Variants in GSN observed in about 807,000 individuals in gnomAD.
The protein encoded by GSN is gelsolin.
GSN carries 56 observed loss-of-function variants against 85.7 expected under a neutral mutation model. The observed-to-expected ratio is 0.65, with a 90% CI of 0.53 to 0.82. The LOEUF (loss-of-function observed/expected upper bound fraction) is 0.82, where lower values mean the gene tolerates loss of function less well. Among genes scored for constraint, GSN ranks in the 40% least tolerant of loss-of-function variants. GSN has a pLI of 0.00. For synonymous variants in GSN, 373 were observed against 399.1 expected (o/e 0.93, Z 0.78); for missense variants, 857 against 979.8 (o/e 0.87, Z 1.67).
intron 6 of GSN, among the ~76,000 whole-genome samples, chr9:121,252,482 C>T (rs1375387008): frequency 6.6e-6 from 1 of 152,228 alleles, no homozygotes; most frequent in African/African-American, 2.4e-5. Context: ...CACCAAGTAT[C>T]TATCTACCTA....
chr9:121,228,030 C>T (rs1463599849), intron 4 of GSN, among the ~76,000 whole-genome samples: 1 of 152,174 alleles, frequency 6.6e-6, no homozygotes, highest in African/African-American at 2.4e-5. Flanking sequence ...TGCTGCACCA[C>T]TGCAACCAGG....
At chr9:121,230,271 G>A (rs187820034) in intron 4 of GSN, among the ~76,000 whole-genome samples, 114 of 152,264 alleles carry the variant, frequency 7.5e-4, no homozygotes, top group African/African-American at 2.5e-3. Context: ...AAAACGGCTT[G>A]CTTTCTCACA....
chr9:121,220,739 A>T (rs553685141), intron 4 of GSN, among the ~76,000 whole-genome samples: 6 of 152,346 alleles, frequency 3.9e-5, no homozygotes, highest in Non-Finnish European at 8.8e-5. Context: ...CTAATATGCC[A>T]GTAAAAGTTC....
At chr9:121,214,756 T>G (rs2054029004) in intron 4 of GSN, among the ~76,000 whole-genome samples, 1 of 152,178 alleles carries the variant, frequency 6.6e-6, no homozygotes, top group Non-Finnish European at 1.5e-5. Context: ...ATTAGTTAAG[T>G]TCTTATCTTT....
At chr9:121,258,231 C>T (rs1404471533) in intron 6 of GSN, among the ~76,000 whole-genome samples, 3 of 152,162 alleles carry the variant, frequency 2.0e-5, no homozygotes, top group Middle Eastern at 3.2e-3. Context: ...CTGAGGCAGG[C>T]GGATTACTTG....
At chr9:121,328,699 C>G (rs888017329) in intron 14 of GSN, among the ~76,000 whole-genome samples, 192 bp from the exon 15 acceptor site, 1 of 152,236 alleles carries the variant, frequency 6.6e-6, no homozygotes, top group Non-Finnish European at 1.5e-5. Context: ...AGTCTGCCCT[C>G]TCTGGGCCTC....
In GSN at chr9:121,261,335, C is replaced by T. The variant is rs1022837264; in HGVS notation, c.-340-3819C>T. 9.2e-5 allele frequency among the ~76,000 whole-genome samples: 14 copies of T among 152,362 alleles called. No homozygotes were observed. The highest frequency in any genetic ancestry group is 3.1e-4 in the African/African-American group (13 of 41,586). The stretch of plus-strand genomic sequence containing the variant: ...CCACAGGAAACGTCTTGATTTTGCT[C>T]CAACAGTGTCAGTCTCCTGTGTGAG... On this transcript the variant is annotated intron_variant, in intron 6 of 24. Coordinates refer to the GSN transcript ENST00000373823. This position sits in a 1 kb window ranked among gnomAD's most constrained non-coding sequence, Gnocchi z 4.1.
intron 1 of GSN, among the ~76,000 whole-genome samples, chr9:121,275,074 G>T (rs533497699): frequency 1.4e-4 from 22 of 152,320 alleles, no homozygotes; most frequent in Admixed American, 9.8e-4. Flanking sequence ...TCTGAAGCTG[G>T]TTATAAAAAG....
At chr9:121,204,059 A>G (rs1000561936), upstream of GSN, among the ~76,000 whole-genome samples, 9 of 152,218 alleles carry the variant, frequency 5.9e-5, no homozygotes, top group African/African-American at 2.2e-4. Context: ...AGACCTGGCT[A>G]GTAAGTTTCC....
chr9:121,229,855 G>A (rs1411547252), intron 4 of GSN, among the ~76,000 whole-genome samples: 1 of 152,172 alleles, frequency 6.6e-6, no homozygotes, highest in Non-Finnish European at 1.5e-5. Flanking sequence ...AATTTTACCT[G>A]AATCAATTAT....
At chr9:121,307,644 C>T (rs2060557682) in intron 4 of GSN, among the ~76,000 whole-genome samples, 1 of 152,212 alleles carries the variant, frequency 6.6e-6, no homozygotes, top group Non-Finnish European at 1.5e-5. Flanking sequence ...GCATCAGGGG[C>T]TTGTGGTCAG....
intron 2 of GSN, chr9:121,286,551 CT>C: frequency 1.4e-6 from 2 of 1,437,282 alleles, no homozygotes; most frequent in Non-Finnish European, 1.8e-6. Context: ...CCCAATGCCC[CT>C]CCTCCGTGGC....
At chr9:121,269,194 G>A (rs1237946177) in intron 1 of GSN, among the ~76,000 whole-genome samples, 2 of 152,148 alleles carry the variant, frequency 1.3e-5, no homozygotes, top group East Asian at 1.9e-4. Flanking sequence ...GGCATCTGGG[G>A]ACTTTTCAAA....
At chr9:121,319,397 G>A (rs1385467409) in intron 10 of GSN, among the ~76,000 whole-genome samples, 1 of 152,188 alleles carries the variant, frequency 6.6e-6, no homozygotes, top group Non-Finnish European at 1.5e-5. Context: ...TTTCAAGGGT[G>A]TAGACTTGAT....
chr9:121,228,418 ATATATATTTTTTT>A (rs1188140813), intron 4 of GSN, among the ~76,000 whole-genome samples: 3 of 58,500 alleles, frequency 5.1e-5, no homozygotes, highest in East Asian at 4.7e-4. Context: ...ATATATATAT[ATATATATTTTTTT>A]TTTTTTTTTT....
intron 6 of GSN, among the ~76,000 whole-genome samples, chr9:121,262,940 G>A (rs758224032): frequency 3.9e-5 from 6 of 152,158 alleles, no homozygotes; most frequent in Admixed American, 1.3e-4. Context: ...CAATAAAAAC[G>A]TGCTAAACAT....
intron 1 of GSN, among the ~76,000 whole-genome samples, chr9:121,209,131 C>G (rs998676297): frequency 6.6e-6 from 1 of 152,218 alleles, no homozygotes; most frequent in Non-Finnish European, 1.5e-5. Context: ...GGGTTGGTAG[C>G]TGAAGGGTGC....
intron 14 of GSN, among the ~76,000 whole-genome samples, chr9:121,328,478 G>A (rs1040606808): frequency 1.3e-5 from 2 of 152,236 alleles, no homozygotes; most frequent in African/African-American, 4.8e-5. Context: ...CACATGGACA[G>A]AGCAGGTATA....
At chr9:121,291,416 C>CTT (rs10615868) in intron 2 of GSN, among the ~76,000 whole-genome samples, 13 of 103,842 alleles carry the variant, frequency 1.3e-4, no homozygotes, top group Non-Finnish European at 2.3e-4. Flanking sequence ...CCCCACTGGA[C>CTT]TTTTTTTTTT....
Sources: gnomAD v4.1 joint callset for allele counts (sites outside exome capture counted in the v4.1 genomes callset) on GRCh38, gnomAD v4.1.1 for gene constraint, Gnocchi (gnomAD v3.1) non-coding constraint, MANE v1.5 for transcripts, NCBI Gene and HGNC (gene_info 2026-07-23, HGNC 2026-07-21) for gene names.